Variants in HS3ST4 observed in about 807,000 individuals in gnomAD.
The protein encoded by HS3ST4 is heparan sulfate-glucosamine 3-sulfotransferase 4.
In HS3ST4, 17 loss-of-function variants were observed where a neutral mutation model predicts 29.2. The ratio of observed to expected loss-of-function variants is 0.58; its 90% confidence interval spans 0.40 to 0.87. The LOEUF (loss-of-function observed/expected upper bound fraction) is 0.87, where lower values mean the gene tolerates loss of function less well. Ranked by LOEUF, HS3ST4 falls within the 40% of genes least tolerant of loss-of-function variation. HS3ST4 has a pLI of 0.00. For missense variants in HS3ST4, 627 were observed against 634.5 expected, an observed-to-expected ratio of 0.99 and a Z score of 0.13; for synonymous variants, 314 against 285.7, an observed-to-expected ratio of 1.10 and a Z score of -1.00.
At chr16:26,107,232 A>T (rs147854220) in intron 1 of HS3ST4, among the ~76,000 whole-genome samples, 771 of 152,156 alleles carry the variant, frequency 5.1e-3, no homozygotes, top group Non-Finnish European at 9.2e-3. Context: ...TGCCCATAGA[A>T]ATCGTTTAAC....
At chr16:26,086,989 A>G (rs986548043) in intron 1 of HS3ST4, among the ~76,000 whole-genome samples, 2 of 152,220 alleles carry the variant, frequency 1.3e-5, no homozygotes, top group Non-Finnish European at 2.9e-5. Flanking sequence ...CACTAAGTGA[A>G]AAATTTCTTC....
rs191943237 is a variant in HS3ST4 at position 25,837,802 on chromosome 16, G to A, written c.734+144651G>A. ...ATTTATTTTTTTACTTTTATTTTAG[G>A]TTCAGGGGCTACATGTGCAGCTTTG... is the stretch of plus-strand genomic sequence containing the variant. On this transcript the variant is annotated intron_variant, in intron 1 of 1. Coordinates refer to ENST00000331351, the MANE Select transcript of HS3ST4 (RefSeq NM_006040.3). 4.9e-4 allele frequency among the ~76,000 whole-genome samples: 74 copies of A among 151,972 alleles called. 1 individual carries two copies. The highest frequency in any genetic ancestry group is 1.6e-3 in the African/African-American group (68 of 41,438).
At chr16:25,986,598 C>A (rs1438822538) in intron 1 of HS3ST4, among the ~76,000 whole-genome samples, 1 of 152,150 alleles carries the variant, frequency 6.6e-6, no homozygotes, top group East Asian at 1.9e-4. Flanking sequence ...CTCGCAGTGT[C>A]CATAAAAATG....
chr16:25,854,914 C>T (rs1272022467), intron 1 of HS3ST4, among the ~76,000 whole-genome samples: 1 of 152,084 alleles, frequency 6.6e-6, no homozygotes, highest in Admixed American at 6.6e-5. Context: ...GTCAGTTGGC[C>T]TGGGGAACAA....
intron 1 of HS3ST4, among the ~76,000 whole-genome samples, chr16:25,718,983 G>A (rs1966475786): frequency 6.6e-6 from 1 of 152,196 alleles, no homozygotes; most frequent in South Asian, 2.1e-4. Flanking sequence ...TAGTTTGATG[G>A]AAGTAAGGGT....
chr16:26,079,727 A>T (rs1453546853), intron 1 of HS3ST4, among the ~76,000 whole-genome samples: 1 of 152,216 alleles, frequency 6.6e-6, no homozygotes, highest in Non-Finnish European at 1.5e-5. Context: ...AGCCATTCAC[A>T]TTAAAGAGGA....
At chr16:26,051,907 TCCCTC>T (rs1898352362) in intron 1 of HS3ST4, among the ~76,000 whole-genome samples, 3 of 56,688 alleles carry the variant, frequency 5.3e-5, no homozygotes, top group Non-Finnish European at 6.8e-5. Flanking sequence ...CCTCCCTCCC[TCCCTC>T]CCTTCCTTCC....
chr16:25,915,609 C>T (rs914541842), intron 1 of HS3ST4, among the ~76,000 whole-genome samples: 6 of 152,198 alleles, frequency 3.9e-5, no homozygotes, highest in Non-Finnish European at 8.8e-5. Flanking sequence ...ACCAGGCTGG[C>T]TGATTCTTAC....
At chr16:25,909,231 C>T (rs1968211393) in intron 1 of HS3ST4, among the ~76,000 whole-genome samples, 1 of 152,164 alleles carries the variant, frequency 6.6e-6, no homozygotes, top group African/African-American at 2.4e-5. Context: ...CTCTGCAGCC[C>T]AGGCTGGAGT....
intron 1 of HS3ST4, among the ~76,000 whole-genome samples, chr16:26,133,409 G>C (rs1043662475): frequency 8.5e-5 from 13 of 152,166 alleles, no homozygotes; most frequent in African/African-American, 2.7e-4. Flanking sequence ...CTGATTCCCA[G>C]GGGCTGCATT....
chr16:25,692,667 C>G lies in HS3ST4; in HGVS notation c.250C>G (p.Leu84Val), dbSNP rs932202792. 1.6e-5 allele frequency: 21 copies of G among 1,326,692 alleles called. No individual in the cohort carries two copies. Among genetic ancestry groups the G allele is most frequent in the Admixed American group, 2.8e-5 (1 of 35,564 alleles). The allele number at this position is 1,326,692 out of a possible 1,614,324, so 82.2% of individuals were successfully genotyped here. A position where few individuals can be genotyped will look rare whatever the true frequency, so the allele number is the denominator to read the frequency against. Residue 84 changes from leucine to valine, a missense_variant, in exon 1 of 2, where the codon CTG becomes GTG. By Grantham distance (32) the Leu-to-Val change is conservative. Around this residue, in one of 2 missense-constraint regions of HS3ST4, gnomAD observed 402 missense variants for 340.8 expected, o/e 1.18. Transcript: ENST00000331351. The stretch of plus-strand genomic sequence containing the variant: ...CCCGCCGAGCCCGCCGCCACCCTCT[C>G]TGCTGCCTACCCCCGTGCGCCTCGG... ...EPPPSPPPPS[L>V]LPTPVRLGAP... is the part of the protein sequence containing the mutation.
At chr16:25,787,757 A>G (rs1966859759) in intron 1 of HS3ST4, among the ~76,000 whole-genome samples, 1 of 152,200 alleles carries the variant, frequency 6.6e-6, no homozygotes, top group African/African-American at 2.4e-5. Context: ...AATTTGAAGG[A>G]AATAGTTACA....
intron 1 of HS3ST4, among the ~76,000 whole-genome samples, chr16:25,736,769 C>A (rs1966612816): frequency 6.6e-6 from 1 of 152,182 alleles, no homozygotes; most frequent in Admixed American, 6.5e-5. Context: ...ATTGTTCCAT[C>A]AAATCTCTTG....
chr16:26,083,011 A>C (rs573592368), intron 1 of HS3ST4, among the ~76,000 whole-genome samples: 5 of 152,364 alleles, frequency 3.3e-5, no homozygotes, highest in Non-Finnish European at 4.4e-5. Flanking sequence ...TGCCAAGCAC[A>C]TAGAAAATGC....
intron 1 of HS3ST4, among the ~76,000 whole-genome samples, chr16:25,725,884 A>G (rs1360136859): frequency 6.6e-6 from 1 of 152,160 alleles, no homozygotes; most frequent in Admixed American, 6.5e-5. Flanking sequence ...GAATATTGTC[A>G]TAGTCTCATG....
intron 1 of HS3ST4, among the ~76,000 whole-genome samples, chr16:25,973,973 G>A (rs74013229): frequency 0.037 from 5,649 of 152,240 alleles, 381 homozygotes; most frequent in African/African-American, 0.13. Context: ...TAAAATAAAT[G>A]TCTGTACGTC....
intron 1 of HS3ST4, among the ~76,000 whole-genome samples, chr16:25,755,962 C>G (rs935304318): frequency 1.3e-5 from 2 of 152,022 alleles, no homozygotes; most frequent in African/African-American, 4.8e-5. Flanking sequence ...AGGAGGCAAA[C>G]AAAAGCTAGT....
intron 1 of HS3ST4, among the ~76,000 whole-genome samples, chr16:25,731,780 C>A (rs983953169): frequency 2.0e-5 from 3 of 152,200 alleles, no homozygotes; most frequent in Non-Finnish European, 4.4e-5. Flanking sequence ...TTATAACACA[C>A]TGCCACAGTC....
intron 1 of HS3ST4, among the ~76,000 whole-genome samples, chr16:25,910,625 C>T (rs1427523756): frequency 1.3e-5 from 2 of 150,636 alleles, no homozygotes; most frequent in Non-Finnish European, 3.0e-5. Flanking sequence ...CCAGCTTGGG[C>T]AACGAGAGAG....
Sources: allele counts gnomAD v4.1 joint callset (sites outside exome capture counted in the v4.1 genomes callset), GRCh38; gene constraint gnomAD v4.1.1; regional missense constraint gnomAD v4.1.1; transcripts MANE v1.5; gene names NCBI Gene and HGNC (gene_info 2026-07-23, HGNC 2026-07-21).